RBFOX1: variants seen among roughly 807,000 people sequenced by gnomAD.
The protein encoded by RBFOX1 is RNA binding fox-1 homolog 1, also known as RNA binding protein fox-1 homolog 1.
RBFOX1 carries 8 observed loss-of-function variants against 57.7 expected under a neutral mutation model. The observed-to-expected ratio is 0.14, with a 90% CI of 0.08 to 0.25. The LOEUF (loss-of-function observed/expected upper bound fraction) is 0.25. Among genes scored for constraint, RBFOX1 ranks in the 10% least tolerant of loss-of-function variants. The pLI is 1.00. For synonymous variants in RBFOX1, 326 were observed against 222.4 expected, an observed-to-expected ratio of 1.47 and a Z score of -4.15; for missense variants, 611 against 548.5, an observed-to-expected ratio of 1.11 and a Z score of -1.14.
intron 2 of RBFOX1, among the ~76,000 whole-genome samples, chr16:6,561,994 G>A (rs1239419970): frequency 6.6e-6 from 1 of 152,212 alleles, no homozygotes; most frequent in Admixed American, 6.5e-5. Flanking sequence ...GGAACAAACT[G>A]TGTAGAGATC....
chr16:6,664,656 G>T (rs1426555450), intron 3 of RBFOX1, among the ~76,000 whole-genome samples: 1 of 152,204 alleles, frequency 6.6e-6, no homozygotes. Flanking sequence ...CAATAGCAGA[G>T]ATTATGAATC....
At chr16:6,498,878 T>C (rs2095844655) in intron 2 of RBFOX1, among the ~76,000 whole-genome samples, 1 of 152,156 alleles carries the variant, frequency 6.6e-6, no homozygotes, top group African/African-American at 2.4e-5. Context: ...ATCTGATCCC[T>C]CAACTAAAAT....
chr16:6,965,929 G>T (rs886829683), intron 3 of RBFOX1, among the ~76,000 whole-genome samples: 1 of 152,174 alleles, frequency 6.6e-6, no homozygotes, highest in Non-Finnish European at 1.5e-5. Flanking sequence ...TTGGCATTTA[G>T]CATCGGGGGA....
At chr16:5,418,046 A>G (rs1008729306) in intron 1 of RBFOX1, among the ~76,000 whole-genome samples, 10 of 151,398 alleles carry the variant, frequency 6.6e-5, no homozygotes, top group African/African-American at 2.4e-4. Flanking sequence ...ACTCCATTGC[A>G]CTCCAGCCTG....
At chr16:5,617,131 C>CTCAT (rs1464733125) in intron 3 of RBFOX1, among the ~76,000 whole-genome samples, 5 of 151,764 alleles carry the variant, frequency 3.3e-5, no homozygotes, top group African/African-American at 1.2e-4. Context: ...CCCTCCCTCC[C>CTCAT]TCATTCATTC....
At chr16:5,708,745 G>A (rs906670590) in intron 3 of RBFOX1, among the ~76,000 whole-genome samples, 1 of 152,142 alleles carries the variant, frequency 6.6e-6, no homozygotes. Flanking sequence ...ATCCATCTTG[G>A]GGATATTCAA....
intron 15 of RBFOX1, chr16:7,709,450 TTTTTTTTC>T: frequency 7.1e-7 from 1 of 1,401,104 alleles, no homozygotes; most frequent in Non-Finnish European, 9.4e-7. Flanking sequence ...TGCAGAACTT[TTTTTTTTC>T]TTTTTTTTTC....
intron 3 of RBFOX1, among the ~76,000 whole-genome samples, chr16:6,817,176 C>T (rs996281728): frequency 6.6e-6 from 1 of 152,106 alleles, no homozygotes; most frequent in Non-Finnish European, 1.5e-5. Context: ...TTGACTGGAC[C>T]TGTTATACAT....
chr16:5,652,538 C>T (rs1290213770), intron 3 of RBFOX1, among the ~76,000 whole-genome samples: 1 of 152,188 alleles, frequency 6.6e-6, no homozygotes, highest in African/African-American at 2.4e-5. Context: ...ATACTAGGGT[C>T]ACCTTTTTGT....
intron 1 of RBFOX1, among the ~76,000 whole-genome samples, chr16:5,269,535 A>T (rs755737775): frequency 6.6e-6 from 1 of 152,262 alleles, no homozygotes; most frequent in African/African-American, 2.4e-5. Context: ...ATATTATTTG[A>T]TCACAAAAAG....
chr16:7,208,927 G>A (rs1177313662), intron 4 of RBFOX1, among the ~76,000 whole-genome samples: 3 of 151,950 alleles, frequency 2.0e-5, no homozygotes, highest in East Asian at 3.9e-4. Context: ...TCCCTTCCTG[G>A]CGGGCATTAA....
rs189094178 is a variant in RBFOX1 at position 7,448,080 on chromosome 16, G to A, written c.28-70067G>A. Among the ~76,000 whole-genome samples, 47 of 152,344 alleles carry A rather than the reference G, an allele frequency of 3.1e-4. No homozygotes were observed. The East Asian group carries it at 8.9e-3, about 29-fold the overall frequency. On this transcript the variant is annotated intron_variant, in intron 4 of 15. Coordinates refer to ENST00000550418, the MANE Select transcript of RBFOX1 (RefSeq NM_018723.4). ...CTGACTAATCTAAGGGCCACTGAAA[G>A]CTACTCTTAAGATGCAGCATTTACT...
intron 2 of RBFOX1, among the ~76,000 whole-genome samples, chr16:5,585,503 G>A (rs2029178): frequency 0.29 from 44,083 of 152,106 alleles, 9,469 homozygotes; most frequent in African/African-American, 0.59. Context: ...GTTGCCCTTG[G>A]CCTGTAGCTA....
intron 1 of RBFOX1, among the ~76,000 whole-genome samples, chr16:5,442,794 T>C (rs2068123737): frequency 6.6e-6 from 1 of 152,196 alleles, no homozygotes; most frequent in African/African-American, 2.4e-5. Flanking sequence ...GTGGACTGAA[T>C]ACTGTCTCTT....
At chr16:7,622,494 A>T (rs2059458671) in intron 10 of RBFOX1, among the ~76,000 whole-genome samples, 1 of 152,242 alleles carries the variant, frequency 6.6e-6, no homozygotes, top group Non-Finnish European at 1.5e-5. Context: ...GGAGTGAGTC[A>T]TTAAAATTTT....
At chr16:6,481,381 C>G (rs1275082435) in intron 2 of RBFOX1, among the ~76,000 whole-genome samples, 1 of 152,192 alleles carries the variant, frequency 6.6e-6, no homozygotes, top group African/African-American at 2.4e-5. Context: ...CAACATCTGC[C>G]AAGGTTGTCA....
At chr16:6,845,852 C>A (rs145028333) in intron 3 of RBFOX1, among the ~76,000 whole-genome samples, 6 of 152,188 alleles carry the variant, frequency 3.9e-5, no homozygotes, top group Non-Finnish European at 8.8e-5. Flanking sequence ...TAATCTCAGT[C>A]CCACTTGTGT....
At chr16:6,763,337 TA>T (rs71145289) in intron 3 of RBFOX1, among the ~76,000 whole-genome samples, 147,671 of 152,286 alleles carry the variant, frequency 0.97, 71,778 homozygotes, top group East Asian at 1. Flanking sequence ...TAGACACTTG[TA>T]AGCCCATCAC....
At position 6,215,475 on chromosome 16, in the gene RBFOX1, G is replaced by A. The variant is rs1567696841; in HGVS notation, c.-126-101520G>A. 2.6e-5 allele frequency among the ~76,000 whole-genome samples: 4 copies of A among 151,720 alleles called. No homozygotes were observed. The South Asian group carries it at 8.4e-4, about 32-fold the overall frequency. On this transcript the variant is annotated intron_variant, in intron 1 of 15. Transcript: ENST00000550418. ...AAGGAAGAGAGGGAGAGGGGGAGAGGGAGAGAAGGAGACAGAGTGTGCATG... is the reference window on the plus strand; with the variant it reads ...AAGGAAGAGAGGGAGAGGGGGAGAGAGAGAGAAGGAGACAGAGTGTGCATG...
Sources: gnomAD v4.1 joint callset for allele counts (sites outside exome capture counted in the v4.1 genomes callset) on GRCh38, gnomAD v4.1.1 for gene constraint, MANE v1.5 for transcripts, NCBI Gene and HGNC (gene_info 2026-07-23, HGNC 2026-07-21) for gene names.